MYO1H: variants seen among roughly 807,000 people sequenced by gnomAD.
MYO1H encodes myosin IH, also known as unconventional myosin-Ih.
A neutral mutation model predicts 149.3 loss-of-function variants in MYO1H; 118 were observed. That is an observed-to-expected ratio of 0.79 (90% CI 0.68 to 0.92). The LOEUF (loss-of-function observed/expected upper bound fraction) is 0.92. Ranked by LOEUF, MYO1H falls within the 40% of genes least tolerant of loss-of-function variation. The probability of loss-of-function intolerance (pLI) is 0.00; values close to 1 mark genes in which losing one functional copy is unlikely to be tolerated. For missense variants in MYO1H, 1,212 were observed against 1,280.7 expected, an observed-to-expected ratio of 0.95 and a Z score of 0.82; for synonymous variants, 447 against 465.2, an observed-to-expected ratio of 0.96 and a Z score of 0.50.
the MYO1H span, among the ~76,000 whole-genome samples, chr12:109,318,960 GTTTTTGGTTTT>G: frequency 1.3e-5 from 1 of 77,954 alleles, no homozygotes; most frequent in African/African-American, 6.6e-5. Flanking sequence ...AACTCTCTGC[GTTTTTGGTTTT>G]GTTTTTTTTT....
At chr12:109,342,172 G>A in the MYO1H span, among the ~76,000 whole-genome samples, 3 of 134,408 alleles carry the variant, frequency 2.2e-5, no homozygotes, top group South Asian at 6.9e-4. Context: ...TCTCCATCTG[G>A]ATGACTCTGT....
At chr12:109,318,982 T>TA in the MYO1H span, among the ~76,000 whole-genome samples, 1 of 144,912 alleles carries the variant, frequency 6.9e-6, no homozygotes, top group Non-Finnish European at 1.5e-5. Flanking sequence ...GTTTTTTTTT[T>TA]TTTTTTTTTT....
chr12:109,410,436 C>T (rs1235655530), intron 12 of MYO1H, among the ~76,000 whole-genome samples: 2 of 152,128 alleles, frequency 1.3e-5, no homozygotes, highest in Admixed American at 1.3e-4. Flanking sequence ...GCCACTGTGC[C>T]CAACCACTAA....
At chr12:109,405,128 G>A (rs537408414) in intron 7 of MYO1H, among the ~76,000 whole-genome samples, 3 of 151,812 alleles carry the variant, frequency 2.0e-5, no homozygotes, top group Non-Finnish European at 2.9e-5. Context: ...CGGGAGGATC[G>A]CTTGAGCCCA....
At chr12:109,371,213 C>CTTTTTTTTTTTTTTTT (rs34350111) in intron 1 of MYO1H, among the ~76,000 whole-genome samples, 4 of 118,346 alleles carry the variant, frequency 3.4e-5, no homozygotes, top group East Asian at 2.4e-4. Flanking sequence ...TTTTTTCTTT[C>CTTTTTTTTTTTTTTTT]TTTTTTTTTT....
rs78622470 is a variant in MYO1H at position 109,432,839 on chromosome 12, G to T, written c.1950-58G>T. The T allele has an allele frequency of 5.6e-5, 82 of 1,455,164 alleles. 3 individuals carry two copies. The East Asian group carries it at 7.5e-4, about 13-fold the overall frequency. The allele number at this position is 1,455,164 out of a possible 1,614,324, so 90.1% of individuals were successfully genotyped here. On this transcript the variant is annotated intron_variant, in intron 19 of 31. Coordinates refer to ENST00000310903, the Ensembl canonical transcript of MYO1H. ...AGCAGGCCTCTGGGGCCGGGGATGT[G>T]GGGGAGGGCTAGAGGAAGGTACGGT...
intron 2 of MYO1H, among the ~76,000 whole-genome samples, chr12:109,392,210 C>T (rs138096741): frequency 1.4e-3 from 207 of 152,334 alleles, no homozygotes; most frequent in Non-Finnish European, 2.3e-3. Context: ...CCCAATTCCT[C>T]GTGGGAGCCC....
At chr12:109,411,699 C>G (rs542490878) in intron 13 of MYO1H, among the ~76,000 whole-genome samples, 195 bp from the exon 14 acceptor site, 1 of 152,072 alleles carries the variant, frequency 6.6e-6, no homozygotes, top group Non-Finnish European at 1.5e-5. Context: ...CCCTCTGGTT[C>G]CATGGTCCCC....
upstream of MYO1H, among the ~76,000 whole-genome samples, chr12:109,343,507 G>T (rs1386407991): frequency 6.6e-6 from 1 of 152,100 alleles, no homozygotes; most frequent in East Asian, 1.9e-4. Flanking sequence ...TAAAAAGCAG[G>T]CTGACTTAAT....
intron 23 of MYO1H, 128 bp from the exon 24 acceptor site, chr12:109,439,503 T>TGTGG: frequency 1.1e-6 from 1 of 908,612 alleles, no homozygotes; most frequent in Non-Finnish European, 1.6e-6. Context: ...AGATTTGGCC[T>TGTGG]CTGGCCTATG....
chr12:109,367,975 T>G (rs1160429710), intron 1 of MYO1H, among the ~76,000 whole-genome samples: 1 of 152,194 alleles, frequency 6.6e-6, no homozygotes, highest in African/African-American at 2.4e-5. Flanking sequence ...CGCTTCAGCC[T>G]CCTGAGTTGC....
chr12:109,375,641 G>A (rs888539922), intron 1 of MYO1H, among the ~76,000 whole-genome samples: 5 of 152,072 alleles, frequency 3.3e-5, no homozygotes, highest in African/African-American at 1.2e-4. Flanking sequence ...AATCAAGATT[G>A]TACATCATTC....
At chr12:109,324,341 A>T in the MYO1H span, among the ~76,000 whole-genome samples, 1 of 152,222 alleles carries the variant, frequency 6.6e-6, no homozygotes, top group South Asian at 2.1e-4. Context: ...TCTGTTGGTT[A>T]CAAGTAAGTC....
At chr12:109,444,775 C>T (rs1262118465) in intron 30 of MYO1H, among the ~76,000 whole-genome samples, 5 of 151,106 alleles carry the variant, frequency 3.3e-5, no homozygotes, top group Admixed American at 6.6e-5. Flanking sequence ...GCCTGAGGCA[C>T]GAGAATCCCT....
chr12:109,327,128 C>CTTTTTTTTTTT, the MYO1H span, among the ~76,000 whole-genome samples: 2 of 103,694 alleles, frequency 1.9e-5, no homozygotes, highest in East Asian at 3.1e-4. Flanking sequence ...TTTTCTTTTT[C>CTTTTTTTTTTT]TTTTTCTTTT....
the MYO1H span, among the ~76,000 whole-genome samples, chr12:109,341,570 T>A: frequency 6.6e-6 from 1 of 151,886 alleles, no homozygotes; most frequent in African/African-American, 2.4e-5. Context: ...AAGTTTCATA[T>A]TGGGGAAGAG....
At chr12:109,312,248 T>G in the MYO1H span, among the ~76,000 whole-genome samples, 1 of 152,164 alleles carries the variant, frequency 6.6e-6, no homozygotes, top group Non-Finnish European at 1.5e-5. Context: ...AGTCTCGCTC[T>G]GTCATCTAGG....
intron 3 of MYO1H, among the ~76,000 whole-genome samples, chr12:109,394,171 T>A (rs994848886): frequency 3.3e-5 from 5 of 152,242 alleles, no homozygotes; most frequent in African/African-American, 9.6e-5. Context: ...TGTAATACTA[T>A]AAGCTGACAG....
At chr12:109,370,939 A>T (rs942030813) in intron 1 of MYO1H, among the ~76,000 whole-genome samples, 6 of 152,238 alleles carry the variant, frequency 3.9e-5, no homozygotes, top group African/African-American at 1.4e-4. Context: ...TGCAGTTATT[A>T]GGATAATGGC....
Sources: allele counts gnomAD v4.1 joint callset (sites outside exome capture counted in the v4.1 genomes callset), GRCh38; gene constraint gnomAD v4.1.1; transcripts MANE v1.5; gene names NCBI Gene and HGNC (gene_info 2026-07-23, HGNC 2026-07-21).